Variants in RAB3GAP2 observed in about 807,000 individuals in gnomAD.
RAB3GAP2 encodes RAB3 GTPase activating non-catalytic protein subunit 2.
Under a neutral mutation model 185.3 loss-of-function variants are expected in RAB3GAP2, and 87 were observed. The ratio of observed to expected loss-of-function variants is 0.47; its 90% CI spans 0.39 to 0.56. The LOEUF is 0.56. Ranked by LOEUF, RAB3GAP2 falls within the 20% of genes least tolerant of loss-of-function variation. The pLI is 0.00. For synonymous variants in RAB3GAP2, 554 were observed against 576.1 expected, an observed-to-expected ratio of 0.96 and a Z score of 0.55; for missense variants, 1,492 against 1,638.2, an observed-to-expected ratio of 0.91 and a Z score of 1.54.
rs1658425809 is a variant in RAB3GAP2, at chr1:220,182,338, C to A, written c.2229G>T (p.Trp743Cys). The change falls in exon 21 of 35, where the codon TGG becomes TGT. Residue 743 changes from tryptophan to cysteine, a missense_variant. Physicochemically the swap from Trp to Cys is radical, Grantham distance 215. This residue lies in a region of RAB3GAP2 where 681 missense variants were observed against 689.1 expected (regional missense o/e 0.99). Coordinates refer to ENST00000358951, the MANE Select transcript of RAB3GAP2 (RefSeq NM_012414.4). ...EYVALGSFFF[W>C]KCLHGESSTE... is the part of the protein sequence containing the mutation. ...TGGAGCTTTCTCCATGCAAACACTT[C>A]CAAAAAAAGAAACTACCTGGTAGAA... is the stretch of plus-strand genomic sequence containing the variant. The A allele has an allele frequency of 6.2e-7, 1 of 1,613,846 alleles. No individual in the cohort carries two copies. Among genetic ancestry groups the A allele is most frequent in the Non-Finnish European group, 8.5e-7 (1 of 1,179,906 alleles).
intron 24 of RAB3GAP2, among the ~76,000 whole-genome samples, chr1:220,168,832 G>A (rs372129590): frequency 2.0e-5 from 3 of 152,288 alleles, no homozygotes; most frequent in African/African-American, 7.2e-5. Flanking sequence ...GCTGAAAAAC[G>A]TTCCAGATAT....
At chr1:220,230,185 G>A (rs1436532697) in intron 2 of RAB3GAP2, among the ~76,000 whole-genome samples, 3 of 152,168 alleles carry the variant, frequency 2.0e-5, no homozygotes, top group Non-Finnish European at 1.5e-5. Flanking sequence ...GTGGCCTGGT[G>A]TAAACAGTAT....
chr1:220,184,182 A>G lies in RAB3GAP2; in HGVS notation c.1871-19T>C, dbSNP rs755569342. The G allele has an allele frequency of 4.4e-6, 7 of 1,593,440 alleles. No individual in the cohort carries two copies. The South Asian group carries it at 6.6e-5, about 15-fold the overall frequency. On this transcript the variant is annotated intron_variant, in intron 18 of 34. Coordinates refer to ENST00000358951, the MANE Select transcript of RAB3GAP2 (RefSeq NM_012414.4). ...TCAAGTTCTAAAAGGCAGAAGGAAA[A>G]GTATATATAAGAGATATATTTAACA...
chr1:220,197,299 G>A (rs576629135), intron 9 of RAB3GAP2, among the ~76,000 whole-genome samples: 1 of 152,138 alleles, frequency 6.6e-6, no homozygotes, highest in East Asian at 1.9e-4. Context: ...ATATAGGCGT[G>A]TGCTGCTGTG....
Position 220,195,115 on chromosome 1 carries a change from T to C in RAB3GAP2, c.1093A>G (p.Lys365Glu). Reference sequence around the variant, plus strand: ...GGGGTAGCTGGCTCAACCTTCGGCTTTTGCTTTTGGACAGCTTCTTCTTCG... The same window carrying C: ...GGGGTAGCTGGCTCAACCTTCGGCTCTTGCTTTTGGACAGCTTCTTCTTCG... ...KHEEEAVQKQ[K>E]PKVEPATPLA... The change falls in exon 12 of 35, where the codon AAG (lysine) becomes GAG (glutamate). Residue 365 changes from lysine to glutamate, a missense_variant. Physicochemically the swap from Lys to Glu is moderately conservative, Grantham distance 56. Around this residue, in one of 5 missense-constraint regions of RAB3GAP2, gnomAD observed 243 missense variants for 314.8 expected, o/e 0.77. Transcript: ENST00000358951. The C allele has an allele frequency of 6.2e-7, 1 of 1,614,136 alleles. No homozygotes were observed. Among genetic ancestry groups the C allele is most frequent in the East Asian group, 2.2e-5 (1 of 44,864 alleles).
At chr1:220,222,216 CT>C (rs200815974) in intron 2 of RAB3GAP2, among the ~76,000 whole-genome samples, 1 of 151,324 alleles carries the variant, frequency 6.6e-6, no homozygotes. Context: ...AGGATTTTTT[CT>C]TTTTTTTTCT....
At chr1:220,261,214 C>T (rs1660130072) in intron 1 of RAB3GAP2, among the ~76,000 whole-genome samples, 1 of 152,068 alleles carries the variant, frequency 6.6e-6, no homozygotes, top group Admixed American at 6.5e-5. Flanking sequence ...TTTCTGGTCT[C>T]TTTTTTAAAG....
At position 220,196,404 on chromosome 1, in the gene RAB3GAP2, A is replaced by T. The variant is rs575925720; in HGVS notation, c.812-6T>A. 2.4e-4 allele frequency: 109 copies of T among 452,568 alleles called. No individual in the cohort carries two copies. The highest frequency in any genetic ancestry group is 8.5e-4 in the Middle Eastern group (2 of 2,356). The allele number at this position is 452,568 out of a possible 1,614,324, so 28.0% of individuals were successfully genotyped here. On this transcript the variant is annotated splice_polypyrimidine_tract_variant and splice_region_variant and intron_variant, in intron 9 of 34. Coordinates refer to ENST00000358951, the MANE Select transcript of RAB3GAP2 (RefSeq NM_012414.4). The stretch of plus-strand genomic sequence containing the variant: ...GGGGGACAGAGTCATAATACCTAAT[A>T]AAAAAAAAAAAGTGATTTGAATGTA...
intron 1 of RAB3GAP2, among the ~76,000 whole-genome samples, chr1:220,241,469 T>C (rs1244079674): frequency 1.3e-5 from 2 of 152,086 alleles, no homozygotes; most frequent in Non-Finnish European, 2.9e-5. Context: ...GATAATGTAC[T>C]TGCTTCTATA....
Position 220,176,569 on chromosome 1 carries a change from C to T in RAB3GAP2, c.2311-3827G>A, listed in dbSNP as rs923404021. On this transcript the variant is annotated intron_variant, in intron 21 of 34. Coordinates refer to ENST00000358951, the MANE Select transcript of RAB3GAP2 (RefSeq NM_012414.4). ...GTGTTTTGGCAGAAAGGCTAGTCTG[C>T]CCGCTAGCACTGGTCTCAGCAGTGG... Among the ~76,000 whole-genome samples, 13 of 152,298 alleles carry T rather than the reference C, an allele frequency of 8.5e-5. 1 individual carries two copies. In the East Asian group the frequency reaches 2.3e-3, roughly 27 times the overall value.
intron 28 of RAB3GAP2, among the ~76,000 whole-genome samples, chr1:220,160,183 T>C (rs1215830646): frequency 6.6e-6 from 1 of 152,016 alleles, no homozygotes; most frequent in African/African-American, 2.4e-5. Context: ...CCCAGAAAAA[T>C]TTCCTTACGC....
Position 220,196,231 on chromosome 1 carries a change from T to A in RAB3GAP2, c.960+19A>T. ...AAATCAAGAGCAGCCTTACTCATGATCATTGATAAAACTCATACCTCTAAA... is the reference window on the plus strand; with the variant it reads ...AAATCAAGAGCAGCCTTACTCATGAACATTGATAAAACTCATACCTCTAAA... On this transcript the variant is annotated intron_variant, in intron 10 of 34. Transcript: ENST00000358951. 6.2e-7 allele frequency: 1 copy of A among 1,610,252 alleles called. No homozygotes were observed. The highest frequency in any genetic ancestry group is 8.5e-7 in the Non-Finnish European group (1 of 1,176,614).
rs1003761510 is a variant in RAB3GAP2, at chr1:220,185,739, A to G, written c.1782T>C (p.Ala594=). 1 of 1,608,602 alleles carries G rather than the reference A, an allele frequency of 6.2e-7. No individual in the cohort carries two copies. Among genetic ancestry groups the G allele is most frequent in the Non-Finnish European group, 8.5e-7 (1 of 1,175,410 alleles). ...GTTCACTTGCCAAAATGCTTTCCAA[A>G]GCCTAGGAGAAAGATATTGAACAGT... ...DIKYPATKKQ[A]LESILASERL... Residue 594 remains alanine, a splice_region_variant and synonymous_variant, in exon 18 of 35, where the codon GCT becomes GCC. Transcript: ENST00000358951.
intron 28 of RAB3GAP2, 105 bp from the exon 29 acceptor site, chr1:220,159,526 C>T (rs766181057): frequency 5.6e-5 from 47 of 846,318 alleles, no homozygotes; most frequent in African/African-American, 6.9e-5. Flanking sequence ...CCGTAAATGG[C>T]GCTATAAGTA....
chr1:220,193,229 G>GT lies in RAB3GAP2; in HGVS notation c.1270+10dup, dbSNP rs1558150679. ...GAATTAATTGTTTTTCTGGATTTTT[G>GT]TAAGAAGTACCTTTCCACATGCGTA... On this transcript the variant is annotated intron_variant, in intron 13 of 34. Coordinates refer to ENST00000358951, the MANE Select transcript of RAB3GAP2 (RefSeq NM_012414.4). The GT allele has an allele frequency of 3.8e-5, 61 of 1,613,642 alleles. No homozygotes were observed. Among genetic ancestry groups the GT allele is most frequent in the Non-Finnish European group, 5.0e-5 (59 of 1,179,794 alleles).
At chr1:220,199,361 C>G (rs1267576302) in intron 9 of RAB3GAP2, among the ~76,000 whole-genome samples, 3 of 152,142 alleles carry the variant, frequency 2.0e-5, no homozygotes, top group Admixed American at 2.0e-4. Context: ...TGATTTTAGA[C>G]AGCAGGGGGT....
chr1:220,165,895 C>T (rs894683622), intron 26 of RAB3GAP2, among the ~76,000 whole-genome samples: 4 of 152,174 alleles, frequency 2.6e-5, no homozygotes, highest in African/African-American at 9.7e-5. Flanking sequence ...TTGTCTATGT[C>T]CCCTCTGCAA....
intron 2 of RAB3GAP2, 80 bp from the exon 3 acceptor site, chr1:220,214,059 G>C: frequency 7.4e-7 from 1 of 1,359,128 alleles, no homozygotes; most frequent in Non-Finnish European, 1.0e-6. Flanking sequence ...CAAGGGGTGA[G>C]AGGGAAGAAA....
Position 220,205,913 on chromosome 1 carries a change from C to T in RAB3GAP2, c.706G>A (p.Ala236Thr), listed in dbSNP as rs550425908. Reference protein sequence around the residue: ...QSLRACRNQVAKAAASGNENI... With the variant: ...QSLRACRNQVTKAAASGNENI... ...TTTCTTGCCAAAATATTACCTTTTG[C>T]TACCTGATTTCGACAAGCACGAAGA... The change falls in exon 8 of 35, where the codon GCA becomes ACA. Residue 236 changes from alanine to threonine, a missense_variant. Physicochemically the swap from Ala to Thr is moderately conservative, Grantham distance 58 (BLOSUM62 0). This residue lies in a region of RAB3GAP2 where 243 missense variants were observed against 314.8 expected (regional missense o/e 0.77). Transcript: ENST00000358951. The T allele has an allele frequency of 3.1e-6, 5 of 1,594,162 alleles. No individual in the cohort carries two copies. In the South Asian group the frequency reaches 4.4e-5, roughly 14 times the overall value.
Sources: gnomAD v4.1 joint callset for allele counts (sites outside exome capture counted in the v4.1 genomes callset) on GRCh38, gnomAD v4.1.1 for gene constraint, gnomAD v4.1.1 regional missense constraint, MANE v1.5 for transcripts, NCBI Gene and HGNC (gene_info 2026-07-23, HGNC 2026-07-21) for gene names.